Variants in DOP1B observed in about 807,000 individuals in gnomAD.
DOP1B encodes the protein protein DOP1B.
Under a neutral mutation model 233.5 loss-of-function variants are expected in DOP1B, and 174 were observed. The observed-to-expected ratio is 0.75, with a 90% CI of 0.66 to 0.85. The LOEUF (loss-of-function observed/expected upper bound fraction) is 0.85. Ranked by LOEUF, DOP1B falls within the 40% of genes least tolerant of loss-of-function variation. DOP1B has a pLI of 0.00. For missense variants in DOP1B, 2,652 were observed against 2,846.6 expected (o/e 0.93, Z 1.56); for synonymous variants, 1,190 against 1,185.6 (o/e 1.00, Z -0.08).
intron 24 of DOP1B, chr21:36,261,219 G>C (rs1312104937): frequency 1.2e-6 from 1 of 854,600 alleles, no homozygotes. Context: ...ACAAAAATTA[G>C]TCCGGCATGG....
intron 2 of DOP1B, among the ~76,000 whole-genome samples, chr21:36,167,940 C>CTTTTTTTTTTTTTTT (rs869190433): frequency 1.8e-4 from 7 of 39,998 alleles, no homozygotes; most frequent in South Asian, 1.1e-3. Flanking sequence ...TTTTCTTTTT[C>CTTTTTTTTTTTTTTT]TTTTTTTTTT....
In DOP1B at chr21:36,200,318, T is replaced by C; in HGVS notation, c.321-13T>C. ...CTTATTTCTGCCCCGCTCCCTCTCG[T>C]TCTTTCTCGAAGCTGCGGGTTATTT... On this transcript the variant is annotated splice_polypyrimidine_tract_variant and intron_variant, in intron 3 of 36. Transcript: ENST00000691173. 1 of 1,577,600 alleles carries C rather than the reference T, an allele frequency of 6.3e-7. No individual in the cohort carries two copies. The highest frequency in any genetic ancestry group is 8.6e-7 in the Non-Finnish European group (1 of 1,160,930).
intron 3 of DOP1B, 117 bp from the exon 4 acceptor site, chr21:36,200,212 ACC>A: frequency 7.5e-7 from 1 of 1,331,640 alleles, no homozygotes; most frequent in Admixed American, 2.5e-5. Flanking sequence ...ACACATCGAA[ACC>A]AGCAGTTTAA....
chr21:36,234,281 A>G, intron 15 of DOP1B, among the ~76,000 whole-genome samples: 1 of 152,208 alleles, frequency 6.6e-6, no homozygotes, highest in Non-Finnish European at 1.5e-5. Context: ...AGCAAGTGTC[A>G]TCTTGGCCCT....
intron 18 of DOP1B, among the ~76,000 whole-genome samples, chr21:36,240,884 G>T (rs538543896): frequency 1.4e-3 from 208 of 152,178 alleles, no homozygotes; most frequent in Non-Finnish European, 2.4e-3. Context: ...ATAATAATAA[G>T]AAGAAGTACT....
intron 1 of DOP1B, among the ~76,000 whole-genome samples, chr21:36,163,256 A>G (rs2065883070): frequency 6.6e-6 from 1 of 151,060 alleles, no homozygotes; most frequent in Non-Finnish European, 1.5e-5. Context: ...AGGCAGGAGA[A>G]TCGCTTGAAC....
intron 23 of DOP1B, among the ~76,000 whole-genome samples, chr21:36,260,266 GGAAA>G (rs72427881): frequency 0.073 from 9,158 of 124,638 alleles, 665 homozygotes; most frequent in African/African-American, 0.27. Flanking sequence ...AAGGAAGGAA[GGAAA>G]GAAAGAAAGA....
intron 30 of DOP1B, among the ~76,000 whole-genome samples, chr21:36,279,594 TG>T (rs1385257790): frequency 6.6e-6 from 1 of 152,214 alleles, no homozygotes; most frequent in African/African-American, 2.4e-5. Context: ...GTTGCTCTGC[TG>T]GGGTAGCTCA....
chr21:36,292,355 C>G, intron 36 of DOP1B, 122 bp downstream of exon 36: 1 of 721,998 alleles, frequency 1.4e-6, no homozygotes, highest in Non-Finnish European at 2.2e-6. Flanking sequence ...CTCCCAGGTT[C>G]AAGTGATTCT....
At chr21:36,247,429 A>C (rs2066979952) in intron 19 of DOP1B, 88 bp from the exon 20 acceptor site, 1 of 783,856 alleles carries the variant, frequency 1.3e-6, no homozygotes, top group Non-Finnish European at 2.0e-6. Context: ...ATCTCTCCCT[A>C]GTTCCTGTGT....
Position 36,212,067 on chromosome 21 carries a change from C to T in DOP1B, c.874C>T (p.Leu292=). The T allele has an allele frequency of 6.2e-7, 1 of 1,613,440 alleles. No individual in the cohort carries two copies. The highest frequency in any genetic ancestry group is 1.1e-5 in the South Asian group (1 of 90,948). The part of the protein sequence containing the change: ...TQTLLRRDMS[L]NRRLYAWLLG... ...GACCCTACTGAGAAGGGACATGTCC[C>T]TGAACAGAAGACTGTATGCATGGTT... is the stretch of plus-strand genomic sequence containing the variant. The change falls in exon 7 of 37, where the codon CTG becomes TTG. Residue 292 remains leucine (L), a synonymous_variant. Transcript: ENST00000691173.
chr21:36,227,249 A>AAT (rs1569033893), intron 12 of DOP1B, among the ~76,000 whole-genome samples: 1 of 148,070 alleles, frequency 6.8e-6, no homozygotes, highest in African/African-American at 2.5e-5. Flanking sequence ...AATAAAATAA[A>AAT]AAAGAAAATT....
At chr21:36,166,173 C>T (rs1356780592) in intron 2 of DOP1B, among the ~76,000 whole-genome samples, 1 of 151,808 alleles carries the variant, frequency 6.6e-6, no homozygotes, top group Non-Finnish European at 1.5e-5. Flanking sequence ...GTGGCTCACA[C>T]CTGTAATCCC....
chr21:36,292,850 G>T (rs1408691032), intron 36 of DOP1B, among the ~76,000 whole-genome samples: 1 of 152,038 alleles, frequency 6.6e-6, no homozygotes, highest in Non-Finnish European at 1.5e-5. Flanking sequence ...CTGACCTCAG[G>T]TGATCCGCCT....
intron 2 of DOP1B, among the ~76,000 whole-genome samples, chr21:36,189,299 G>A (rs184070913): frequency 6.6e-6 from 1 of 152,178 alleles, no homozygotes; most frequent in African/African-American, 2.4e-5. Flanking sequence ...CATATAATGA[G>A]GTCAAAAATG....
At chr21:36,281,070 G>C (rs1032108133) in intron 31 of DOP1B, among the ~76,000 whole-genome samples, 4 of 152,198 alleles carry the variant, frequency 2.6e-5, no homozygotes, top group Non-Finnish European at 5.9e-5. Flanking sequence ...TTGAGTGGCT[G>C]AGGTGGGTGG....
intron 2 of DOP1B, chr21:36,169,817 G>A (rs1288994904): frequency 1.3e-5 from 14 of 1,095,198 alleles, no homozygotes; most frequent in Non-Finnish European, 1.8e-5. Flanking sequence ...GATTTATGCC[G>A]GTTGTTAGAG....
At chr21:36,195,768 A>T (rs1177524447) in intron 2 of DOP1B, among the ~76,000 whole-genome samples, 1 of 152,232 alleles carries the variant, frequency 6.6e-6, no homozygotes, top group Non-Finnish European at 1.5e-5. Flanking sequence ...ATCAGTCAGG[A>T]TAGGGAAAGT....
At chr21:36,260,284 AAAGAAAGAAAG>A (rs1293833206) in intron 23 of DOP1B, among the ~76,000 whole-genome samples, 7 of 151,564 alleles carry the variant, frequency 4.6e-5, no homozygotes, top group Admixed American at 3.9e-4. Flanking sequence ...AGAAAGAAAG[AAAGAAAGAAAG>A]AAGAATTAGA....
Sources: gnomAD v4.1 joint callset for allele counts (sites outside exome capture counted in the v4.1 genomes callset) on GRCh38, gnomAD v4.1.1 for gene constraint, MANE v1.5 for transcripts, NCBI Gene and HGNC (gene_info 2026-07-23, HGNC 2026-07-21) for gene names.